TMEM45B: variants seen among roughly 807,000 people sequenced by gnomAD.
The protein encoded by TMEM45B is transmembrane protein 45B.
In TMEM45B, 29 loss-of-function variants were observed where a neutral mutation model predicts 27.3. The observed-to-expected ratio is 1.06, with a 90% CI of 0.79 to 1.45. The LOEUF (loss-of-function observed/expected upper bound fraction) is 1.45. TMEM45B is among the 40% of genes most tolerant of loss of function. The probability of loss-of-function intolerance (pLI) is 0.00; values close to 1 mark genes in which losing one functional copy is unlikely to be tolerated. For missense variants in TMEM45B, 348 were observed against 343.9 expected, an observed-to-expected ratio of 1.01 and a Z score of -0.09; for synonymous variants, 143 against 134.7, an observed-to-expected ratio of 1.06 and a Z score of -0.43.
chr11:129,854,144 T>TG, intron 2 of TMEM45B, among the ~76,000 whole-genome samples: 1 of 152,306 alleles, frequency 6.6e-6, no homozygotes, highest in Non-Finnish European at 1.5e-5. Context: ...TTCCCTCCCT[T>TG]GGCACGTACA....
intron 1 of TMEM45B, among the ~76,000 whole-genome samples, chr11:129,830,772 A>C (rs577592532): frequency 7.9e-5 from 12 of 152,248 alleles, no homozygotes; most frequent in Non-Finnish European, 1.5e-4. Flanking sequence ...ACCCACTAGA[A>C]TGGCTAAATG....
At chr11:129,819,409 C>A (rs1260602313) in intron 1 of TMEM45B, among the ~76,000 whole-genome samples, 1 of 152,194 alleles carries the variant, frequency 6.6e-6, no homozygotes, top group African/African-American at 2.4e-5. Flanking sequence ...CTGAGACAGG[C>A]TCCTTGTGTC....
At chr11:129,834,656 C>CAA in intron 1 of TMEM45B, among the ~76,000 whole-genome samples, 1 of 151,978 alleles carries the variant, frequency 6.6e-6, no homozygotes, top group African/African-American at 2.4e-5. Context: ...ACTAAAAATA[C>CAA]AAAAATTAGC....
intron 1 of TMEM45B, among the ~76,000 whole-genome samples, chr11:129,820,607 C>A (rs1386709431): frequency 6.6e-6 from 1 of 152,104 alleles, no homozygotes; most frequent in African/African-American, 2.4e-5. Context: ...TGGACGGGCA[C>A]GCCAGGTCAT....
chr11:129,821,430 A>G (rs1947418605), intron 1 of TMEM45B, among the ~76,000 whole-genome samples: 1 of 152,102 alleles, frequency 6.6e-6, no homozygotes, highest in Non-Finnish European at 1.5e-5. Context: ...ATACACACAC[A>G]CTTTTTTTTT....
intron 1 of TMEM45B, among the ~76,000 whole-genome samples, chr11:129,837,683 G>A (rs1405963180): frequency 6.8e-6 from 1 of 148,080 alleles, no homozygotes; most frequent in Non-Finnish European, 1.5e-5. Flanking sequence ...CCAAGTAGCT[G>A]GGACTACAGG....
chr11:129,835,351 TCCCAGGAACATCTGTGGAGGGC>T (rs1358847506), intron 1 of TMEM45B, among the ~76,000 whole-genome samples: 1 of 152,196 alleles, frequency 6.6e-6, no homozygotes, highest in Non-Finnish European at 1.5e-5. Flanking sequence ...GATGTGGTTT[TCCCAGGAACATCTGTGGAGGGC>T]CCTCTTGTCA....
chr11:129,850,860 T>A (rs967390355), intron 1 of TMEM45B, among the ~76,000 whole-genome samples: 8 of 152,172 alleles, frequency 5.3e-5, no homozygotes, highest in African/African-American at 1.9e-4. Context: ...AATCCAGGCT[T>A]TTTTCAGCAC....
intron 2 of TMEM45B, 120 bp downstream of exon 2, chr11:129,852,780 C>A: frequency 9.6e-7 from 1 of 1,037,656 alleles, no homozygotes; most frequent in Non-Finnish European, 1.4e-6. Context: ...GCAACAATTT[C>A]CTGATGGCCA....
intron 1 of TMEM45B, among the ~76,000 whole-genome samples, chr11:129,821,340 A>G (rs1274053562): frequency 1.3e-5 from 2 of 152,094 alleles, no homozygotes; most frequent in African/African-American, 4.8e-5. Context: ...ATTTGGGGTA[A>G]ATTTTCCAAG....
chr11:129,852,514 G>C lies in TMEM45B; in HGVS notation c.32G>C (p.Gly11Ala). 1 of 1,607,984 alleles carries C rather than the reference G, an allele frequency of 6.2e-7. No homozygotes were observed. Among genetic ancestry groups the C allele is most frequent in the Non-Finnish European group, 8.5e-7 (1 of 1,175,072 alleles). The change falls in exon 2 of 6, where the codon GGG becomes GCG. Residue 11 changes from glycine to alanine, a missense_variant. Physicochemically the swap from Gly to Ala is moderately conservative, Grantham distance 60. Transcript: ENST00000281441. ...AATTTCAAGGGCCACGCGCTTCCAG[G>C]GAGTTTCTTCCTGATCATTGGGCTG... is the stretch of plus-strand genomic sequence containing the variant. Reference protein sequence around the residue: MANFKGHALPGSFFLIIGLCW... With the variant: MANFKGHALPASFFLIIGLCW...
Position 129,845,271 on chromosome 11 carries a change from A to ATGTGTG in TMEM45B, c.-8-7182_-8-7177dup, listed in dbSNP as rs10537485. On this transcript the variant is annotated intron_variant, in intron 1 of 5. Transcript: ENST00000281441. ...TTAATGGCTTATTTTGTGTGTGTGT[A>ATGTGTG]TGTGTGTGTGTGTGTGTGTGTGTGT... Among the ~76,000 whole-genome samples the ATGTGTG allele has an allele frequency of 3.0e-3, 421 of 140,344 alleles. 3 individuals carry two copies. The highest frequency in any genetic ancestry group is 0.011 in the African/African-American group (406 of 35,820). The allele number at this position is 140,344 out of a possible 152,430, so 92.1% of individuals were successfully genotyped here.
Position 129,834,147 on chromosome 11 carries a change from T to A in TMEM45B, c.-9+18249T>A, listed in dbSNP as rs145581767. ...GAGACTGTTGATAGAAATGTGGACATTAGCCGGGCGCGGTGGCTCACGCCT... is the reference window on the plus strand; with the variant it reads ...GAGACTGTTGATAGAAATGTGGACAATAGCCGGGCGCGGTGGCTCACGCCT... On this transcript the variant is annotated intron_variant, in intron 1 of 5. Coordinates refer to ENST00000281441, the MANE Select transcript of TMEM45B (RefSeq NM_138788.5). Among the ~76,000 whole-genome samples, 859 of 152,150 alleles carry A rather than the reference T, an allele frequency of 5.6e-3. 13 individuals carry two copies. Among genetic ancestry groups the A allele is most frequent in the African/African-American group, 0.019 (804 of 41,506 alleles).
chr11:129,840,295 G>A lies in TMEM45B; in HGVS notation c.-8-12180G>A, dbSNP rs112974246. ...CATGCTGCAGGCCCTGCTGTCCACTGGTGTGAATTTTAGACGAGGTAAAAG... is the reference window on the plus strand; with the variant it reads ...CATGCTGCAGGCCCTGCTGTCCACTAGTGTGAATTTTAGACGAGGTAAAAG... On this transcript the variant is annotated intron_variant, in intron 1 of 5. Transcript: ENST00000281441. Among the ~76,000 whole-genome samples the A allele has an allele frequency of 7.2e-3, 1,100 of 152,252 alleles. 8 individuals carry two copies. Among genetic ancestry groups the A allele is most frequent in the African/African-American group, 0.024 (1,013 of 41,528 alleles).
rs140748283 is a variant in TMEM45B at position 129,852,711 on chromosome 11, C to G, written c.178+51C>G. On this transcript the variant is annotated intron_variant, in intron 2 of 5. Coordinates refer to ENST00000281441, the MANE Select transcript of TMEM45B (RefSeq NM_138788.5). ...GGGAATCTCCTCATCATACCCAGAA[C>G]CTTTAATTCATTTTCTGAGCCCTGT... The G allele has an allele frequency of 1.5e-4, 234 of 1,536,844 alleles. 1 individual carries two copies. The East Asian group carries it at 4.2e-3, about 28-fold the overall frequency.
At chr11:129,816,730 TTC>T (rs1459490993) in intron 1 of TMEM45B, among the ~76,000 whole-genome samples, 3 of 103,558 alleles carry the variant, frequency 2.9e-5, no homozygotes, top group African/African-American at 1.0e-4. Context: ...AAATGGCCAC[TTC>T]TTTTTTTTTT....
chr11:129,839,264 TC>T (rs1459218302), intron 1 of TMEM45B, among the ~76,000 whole-genome samples: 1 of 152,106 alleles, frequency 6.6e-6, no homozygotes, highest in Non-Finnish European at 1.5e-5. Context: ...TAGCAGCAGA[TC>T]AGCTGGGGAT....
chr11:129,834,233 C>G (rs999741050), intron 1 of TMEM45B, among the ~76,000 whole-genome samples: 5 of 152,060 alleles, frequency 3.3e-5, no homozygotes, highest in Non-Finnish European at 7.4e-5. Context: ...GAGTTCGAGA[C>G]CAGCCTGGCC....
intron 1 of TMEM45B, among the ~76,000 whole-genome samples, chr11:129,833,710 G>A (rs1947582377): frequency 6.6e-6 from 1 of 152,130 alleles, no homozygotes; most frequent in Non-Finnish European, 1.5e-5. Context: ...AGAAGGCGGA[G>A]GTTGCAGTGA....
Sources: gnomAD v4.1 joint callset for allele counts (sites outside exome capture counted in the v4.1 genomes callset) on GRCh38, gnomAD v4.1.1 for gene constraint, MANE v1.5 for transcripts, NCBI Gene and HGNC (gene_info 2026-07-23, HGNC 2026-07-21) for gene names.